PLCE1: variants seen among roughly 807,000 people sequenced by gnomAD.
PLCE1 encodes 1-phosphatidylinositol 4,5-bisphosphate phosphodiesterase epsilon-1.
Under a neutral mutation model 242.8 loss-of-function variants are expected in PLCE1, and 119 were observed. That is an observed-to-expected ratio of 0.49 (90% CI 0.42 to 0.57). The LOEUF (loss-of-function observed/expected upper bound fraction) is 0.57. PLCE1 is among the 20% of genes least tolerant of loss of function. The probability of loss-of-function intolerance (pLI) is 0.00; values close to 1 mark genes in which losing one functional copy is unlikely to be tolerated. For missense variants in PLCE1, 2,441 were observed against 2,788.8 expected, an observed-to-expected ratio of 0.88 and a Z score of 2.81; for synonymous variants, 945 against 1,017.4, an observed-to-expected ratio of 0.93 and a Z score of 1.35.
At chr10:94,033,270 T>C (rs1023229323) in intron 2 of PLCE1, among the ~76,000 whole-genome samples, 6 of 152,060 alleles carry the variant, frequency 3.9e-5, no homozygotes, top group South Asian at 2.1e-4. Flanking sequence ...TGTATACTTA[T>C]GCATATATTG....
At chr10:94,251,026 A>T (rs941379193) in intron 8 of PLCE1, among the ~76,000 whole-genome samples, 5 of 152,174 alleles carry the variant, frequency 3.3e-5, no homozygotes, top group Non-Finnish European at 5.9e-5. Flanking sequence ...CTGCTCCAGG[A>T]AGGGGCTTCT....
At chr10:94,102,420 A>T (rs1008441650) in intron 2 of PLCE1, among the ~76,000 whole-genome samples, 2 of 152,196 alleles carry the variant, frequency 1.3e-5, no homozygotes, top group African/African-American at 4.8e-5. Context: ...AGCAACATTG[A>T]GTATTATTGT....
At chr10:94,121,742 GA>G (rs1404430873) in intron 2 of PLCE1, among the ~76,000 whole-genome samples, 2 of 152,162 alleles carry the variant, frequency 1.3e-5, no homozygotes, top group African/African-American at 4.8e-5. Flanking sequence ...TCTCATTAGA[GA>G]TGGCATCTCT....
intron 20 of PLCE1, among the ~76,000 whole-genome samples, chr10:94,281,888 T>C (rs897100117): frequency 6.6e-6 from 1 of 151,848 alleles, no homozygotes; most frequent in Non-Finnish European, 1.5e-5. Context: ...CCACATGCCT[T>C]TGATTATTGT....
intron 2 of PLCE1, among the ~76,000 whole-genome samples, chr10:94,050,794 A>C (rs2043743981): frequency 6.6e-6 from 1 of 152,208 alleles, no homozygotes; most frequent in South Asian, 2.1e-4. Flanking sequence ...ACTTGTAGTC[A>C]TAATATGCAA....
chr10:94,086,259 A>G (rs1210619886), intron 2 of PLCE1, among the ~76,000 whole-genome samples: 1 of 152,166 alleles, frequency 6.6e-6, no homozygotes, highest in African/African-American at 2.4e-5. Flanking sequence ...TTTAGAACTG[A>G]TTTGGGTCAC....
intron 2 of PLCE1, chr10:94,096,964 G>A (rs1387101508): frequency 6.6e-6 from 1 of 152,134 alleles, no homozygotes; most frequent in Non-Finnish European, 1.5e-5. Flanking sequence ...TCTATACTTA[G>A]GTAATAATGA....
intron 14 of PLCE1, among the ~76,000 whole-genome samples, chr10:94,263,385 G>A (rs540660513): frequency 5.3e-5 from 8 of 151,752 alleles, no homozygotes; most frequent in East Asian, 2.0e-4. Context: ...GTGGTGGTGC[G>A]TGCCTGTAAT....
At chr10:94,186,523 A>G (rs1487638314) in intron 4 of PLCE1, among the ~76,000 whole-genome samples, 4 of 152,230 alleles carry the variant, frequency 2.6e-5, no homozygotes, top group African/African-American at 9.6e-5. Context: ...AGATTTTTTC[A>G]TATTCAGATT....
Position 94,328,931 on chromosome 10 carries a change from AAACCT to A in PLCE1, c.*992_*996del, listed in dbSNP as rs1396317913. ...TACTGAATTGCAATGTCTTAACAAG[AAACCT>A]AACAATTTTTTAAAGCAAAAGTAGA... On this transcript the variant is annotated 3_prime_UTR_variant, in exon 33 of 33. Coordinates refer to ENST00000371380, the MANE Select transcript of PLCE1 (RefSeq NM_016341.4). 6.6e-6 allele frequency: 1 copy of A among 152,220 alleles called. No homozygotes were observed. The highest frequency in any genetic ancestry group is 2.4e-5 in the African/African-American group (1 of 41,458). 9.4% of individuals were successfully genotyped at this position (152,220 alleles called of 1,614,324 possible). A position where few individuals can be genotyped will look rare whatever the true frequency, so the allele number is the denominator to read the frequency against.
intron 2 of PLCE1, among the ~76,000 whole-genome samples, chr10:94,062,825 T>A (rs1031939499): frequency 2.0e-5 from 3 of 152,252 alleles, no homozygotes; most frequent in Non-Finnish European, 4.4e-5. Flanking sequence ...ACACATCAGG[T>A]TCCGGGAAAG....
At chr10:94,267,183 C>A (rs534975330) in intron 16 of PLCE1, among the ~76,000 whole-genome samples, 1 of 152,050 alleles carries the variant, frequency 6.6e-6, no homozygotes, top group Admixed American at 6.5e-5. Context: ...CATATACATG[C>A]GTGTACATAT....
At chr10:94,191,685 C>T (rs1047060844) in intron 4 of PLCE1, among the ~76,000 whole-genome samples, 2 of 152,050 alleles carry the variant, frequency 1.3e-5, no homozygotes, top group Non-Finnish European at 2.9e-5. Flanking sequence ...ACTTGGACTT[C>T]CTACACAGGA....
At chr10:94,040,423 TGTCAG>T (rs1482345616) in intron 2 of PLCE1, among the ~76,000 whole-genome samples, 1 of 150,878 alleles carries the variant, frequency 6.6e-6, no homozygotes, top group East Asian at 1.9e-4. Context: ...GGAATGAGAT[TGTCAG>T]TCCACAACCT....
intron 1 of PLCE1, among the ~76,000 whole-genome samples, chr10:94,030,306 T>C (rs12254065): frequency 0.4 from 60,861 of 151,932 alleles, 15,092 homozygotes; most frequent in African/African-American, 0.71. Flanking sequence ...TTTCCCTTCC[T>C]TGCCTTGTTG....
At chr10:94,107,264 G>A (rs2045784415) in intron 2 of PLCE1, 1 of 152,102 alleles carries the variant, frequency 6.6e-6, no homozygotes, top group South Asian at 2.1e-4. Flanking sequence ...CTGGAGAAGA[G>A]CCTTTTAAAT....
Position 94,304,528 on chromosome 10 carries a change from T to A in PLCE1, c.5505T>A (p.Gly1835=), listed in dbSNP as rs1190718017. Residue 1835 remains glycine, a synonymous_variant, in exon 25 of 33, where the codon GGT becomes GGA. Transcript: ENST00000371380. The part of the protein sequence containing the change: ...LNAAMFEANG[G]CGYVLKPPVL... ...CTGCAATGTTTGAGGCAAATGGTGG[T>A]TGTGGTTATGTATTGAAACCTCCAG... is the stretch of plus-strand genomic sequence containing the variant. 5 of 1,614,128 alleles carry A rather than the reference T, an allele frequency of 3.1e-6. No individual in the cohort carries two copies. Among genetic ancestry groups the A allele is most frequent in the Non-Finnish European group, 4.2e-6 (5 of 1,179,964 alleles).
At chr10:94,043,352 T>C (rs1344323922) in intron 2 of PLCE1, among the ~76,000 whole-genome samples, 1 of 152,220 alleles carries the variant, frequency 6.6e-6, no homozygotes, top group Non-Finnish European at 1.5e-5. Flanking sequence ...AATAATAACT[T>C]CATTTTCAAC....
At position 94,031,013 on chromosome 10, in the gene PLCE1, A is replaced by T. The variant is rs1192657443; in HGVS notation, c.-34A>T. 2 of 1,611,180 alleles carry T rather than the reference A, an allele frequency of 1.2e-6. No individual in the cohort carries two copies. The highest frequency in any genetic ancestry group is 4.5e-5 in the East Asian group (2 of 44,838). ...GACATGATCACCAGGGAGGAAAAAT[A>T]GAGCAATAGTCAAAACCTGTGTGTT... On this transcript the variant is annotated 5_prime_UTR_variant, in exon 2 of 33. It removes the in-frame stop codon of an upstream open reading frame in the 5' UTR. Coordinates refer to ENST00000371380, the MANE Select transcript of PLCE1 (RefSeq NM_016341.4).
Sources: gnomAD v4.1 joint callset for allele counts (sites outside exome capture counted in the v4.1 genomes callset) on GRCh38, gnomAD v4.1.1 for gene constraint, MANE v1.5 for transcripts, NCBI Gene and HGNC (gene_info 2026-07-23, HGNC 2026-07-21) for gene names.